TAFA2: variants seen among roughly 807,000 people sequenced by gnomAD.
TAFA2 encodes the protein TAFA chemokine like family member 2, also known as chemokine-like protein TAFA-2.
A neutral mutation model predicts 18.8 loss-of-function variants in TAFA2; 7 were observed. That is an observed-to-expected ratio of 0.37 (90% confidence interval 0.21 to 0.70). TAFA2 has a LOEUF of 0.70. Among genes scored for constraint, TAFA2 ranks in the 30% least tolerant of loss-of-function variants. The probability of loss-of-function intolerance (pLI) is 0.53; values close to 1 mark genes in which losing one functional copy is unlikely to be tolerated. For synonymous variants in TAFA2, 60 were observed against 54.2 expected (o/e 1.11, Z -0.47); for missense variants, 122 against 158.1 (o/e 0.77, Z 1.23).
At chr12:61,754,783 T>C in intron 3 of TAFA2, 89 bp downstream of exon 3, 1 of 1,311,862 alleles carries the variant, frequency 7.6e-7, no homozygotes, top group Non-Finnish European at 1.1e-6. Context: ...CACCCAGGAT[T>C]GACCTCCCAT....
chr12:62,106,044 A>T (rs764558100), intron 1 of TAFA2, among the ~76,000 whole-genome samples: 2 of 152,132 alleles, frequency 1.3e-5, no homozygotes, highest in South Asian at 2.1e-4. Flanking sequence ...TCATAAAGAA[A>T]AGTATAGGCC....
chr12:62,234,382 T>C, intron 1 of TAFA2: 1 of 652,502 alleles, frequency 1.5e-6, no homozygotes, highest in South Asian at 1.4e-5. Flanking sequence ...TCTTCCTTCA[T>C]TCACCTAAGG....
At chr12:61,799,626 T>C (rs1871324657) in intron 2 of TAFA2, among the ~76,000 whole-genome samples, 1 of 151,974 alleles carries the variant, frequency 6.6e-6, no homozygotes, top group Non-Finnish European at 1.5e-5. Flanking sequence ...ATCGAGACCA[T>C]CCTGGCTAAC....
rs1027766071 is a variant in TAFA2, at chr12:62,058,885, C to T, written c.-2+132374G>A. On this transcript the variant is annotated intron_variant, in intron 1 of 4. Transcript: ENST00000416284. ...TTGGGAGGCCAAGGAGGGCGGATCACGAGGCCAGGCGATCGAGACTATCCT... is the reference window on the plus strand; with the variant it reads ...TTGGGAGGCCAAGGAGGGCGGATCATGAGGCCAGGCGATCGAGACTATCCT... Among the ~76,000 whole-genome samples, 4 of 152,232 alleles carry T rather than the reference C, an allele frequency of 2.6e-5. No individual in the cohort carries two copies. The East Asian group carries it at 5.8e-4, about 22-fold the overall frequency.
At chr12:61,828,745 T>C (rs946021734) in intron 2 of TAFA2, among the ~76,000 whole-genome samples, 5 of 151,822 alleles carry the variant, frequency 3.3e-5, no homozygotes, top group African/African-American at 1.2e-4. Context: ...TTTAATCAGA[T>C]CATTTACTAT....
At chr12:61,832,724 C>A (rs1872764130) in intron 2 of TAFA2, among the ~76,000 whole-genome samples, 1 of 151,974 alleles carries the variant, frequency 6.6e-6, no homozygotes, top group African/African-American at 2.4e-5. Flanking sequence ...AAAACTCTGT[C>A]TAAATATTAC....
At chr12:61,802,085 T>C (rs1281839584) in intron 2 of TAFA2, among the ~76,000 whole-genome samples, 1 of 152,028 alleles carries the variant, frequency 6.6e-6, no homozygotes, top group Non-Finnish European at 1.5e-5. Flanking sequence ...CTGGTTATAA[T>C]GGGTATTATC....
At chr12:61,794,077 G>A (rs2120936107) in intron 2 of TAFA2, among the ~76,000 whole-genome samples, 1 of 151,966 alleles carries the variant, frequency 6.6e-6, no homozygotes, top group Non-Finnish European at 1.5e-5. Flanking sequence ...CATATCTATG[G>A]AAAATCTACA....
intron 1 of TAFA2, chr12:62,105,071 T>A (rs920184542): frequency 3.2e-5 from 6 of 187,272 alleles, no homozygotes; most frequent in Admixed American, 1.1e-4. Context: ...TTTTGTTTTG[T>A]TTTCTACAGA....
At chr12:61,791,930 A>C (rs920701363) in intron 2 of TAFA2, among the ~76,000 whole-genome samples, 3 of 151,790 alleles carry the variant, frequency 2.0e-5, no homozygotes, top group Non-Finnish European at 4.4e-5. Context: ...TGTTTCTTGC[A>C]GCACTATTCA....
chr12:62,168,762 A>G (rs1409230299), intron 1 of TAFA2, among the ~76,000 whole-genome samples: 3 of 152,146 alleles, frequency 2.0e-5, no homozygotes, highest in African/African-American at 7.2e-5. Context: ...ACTTGAGCAC[A>G]GGAGGTAGAG....
intron 1 of TAFA2, among the ~76,000 whole-genome samples, chr12:62,059,535 G>C (rs1255941275): frequency 6.6e-6 from 1 of 151,998 alleles, no homozygotes; most frequent in Non-Finnish European, 1.5e-5. Context: ...AAGTTTAGCA[G>C]TGGGGCGGGG....
intron 2 of TAFA2, among the ~76,000 whole-genome samples, chr12:61,806,951 A>G (rs1476095834): frequency 6.6e-6 from 1 of 152,196 alleles, no homozygotes; most frequent in Non-Finnish European, 1.5e-5. Context: ...CAGAGCATAA[A>G]AGTTTGCAAA....
chr12:62,201,004 A>G (rs1351999442), intron 1 of TAFA2, among the ~76,000 whole-genome samples: 1 of 152,080 alleles, frequency 6.6e-6, no homozygotes, highest in South Asian at 2.1e-4. Context: ...CTTTGTAACA[A>G]TTGTAATGGG....
At chr12:61,871,324 C>A (rs1422378284) in intron 1 of TAFA2, among the ~76,000 whole-genome samples, 1 of 152,128 alleles carries the variant, frequency 6.6e-6, no homozygotes, top group African/African-American at 2.4e-5. Context: ...CTTTACCTTG[C>A]AGGACAGCAC....
chr12:62,208,046 G>T (rs148979856), intron 1 of TAFA2, among the ~76,000 whole-genome samples: 1 of 152,242 alleles, frequency 6.6e-6, no homozygotes, highest in African/African-American at 2.4e-5. Flanking sequence ...TCCCTGGCTG[G>T]ATGCTTGTTG....
chr12:61,731,054 C>T (rs1870422085), intron 4 of TAFA2, among the ~76,000 whole-genome samples: 1 of 152,146 alleles, frequency 6.6e-6, no homozygotes, highest in South Asian at 2.1e-4. Flanking sequence ...CCAAGGACCC[C>T]TGTGAGATAA....
chr12:62,088,989 A>G (rs949662411), intron 1 of TAFA2, among the ~76,000 whole-genome samples: 5 of 152,050 alleles, frequency 3.3e-5, no homozygotes, highest in African/African-American at 9.7e-5. Flanking sequence ...CTTATGATAC[A>G]TTATTGCTTT....
chr12:61,927,625 T>C (rs1027759819), intron 1 of TAFA2, among the ~76,000 whole-genome samples: 1 of 152,220 alleles, frequency 6.6e-6, no homozygotes, highest in Admixed American at 6.5e-5. Flanking sequence ...CCCATCAAGC[T>C]ACCATTGACT....
Sources: gnomAD v4.1 joint callset for allele counts (sites outside exome capture counted in the v4.1 genomes callset) on GRCh38, gnomAD v4.1.1 for gene constraint, MANE v1.5 for transcripts, NCBI Gene and HGNC (gene_info 2026-07-23, HGNC 2026-07-21) for gene names.